The following CSMD1 variants were observed in gnomAD, a reference collection of about 807,000 sequenced individuals.
CSMD1 encodes the protein CUB and Sushi multiple domains 1.
A neutral mutation model predicts 417.5 loss-of-function variants in CSMD1; 213 were observed. The observed-to-expected ratio is 0.51, with a 90% CI of 0.46 to 0.57. The LOEUF is 0.57. Ranked by LOEUF, CSMD1 falls within the 20% of genes least tolerant of loss-of-function variation. CSMD1 has a pLI of 0.00. For missense variants in CSMD1, 6,923 were observed against 4,529.7 expected (o/e 1.53, Z -15.17); for synonymous variants, 2,862 against 1,736.8 (o/e 1.65, Z -16.11).
intron 4 of CSMD1, among the ~76,000 whole-genome samples, chr8:4,030,179 T>C (rs897755689): frequency 1.5e-5 from 2 of 133,702 alleles, no homozygotes; most frequent in African/African-American, 5.8e-5. Flanking sequence ...TGAAGGATGG[T>C]AGCCTTCTTC....
chr8:4,238,975 C>A (rs1014821674), intron 3 of CSMD1, among the ~76,000 whole-genome samples: 1 of 152,168 alleles, frequency 6.6e-6, no homozygotes, highest in African/African-American at 2.4e-5. Context: ...AGCCCAGAGT[C>A]CCATTTTCCT....
intron 3 of CSMD1, among the ~76,000 whole-genome samples, chr8:4,334,484 T>C (rs1236643290): frequency 1.3e-5 from 2 of 152,144 alleles, no homozygotes; most frequent in Non-Finnish European, 2.9e-5. Flanking sequence ...TCCTGCCTTA[T>C]CGATTTTTGA....
At chr8:3,658,078 A>C (rs1185204872) in intron 7 of CSMD1, among the ~76,000 whole-genome samples, 1 of 152,210 alleles carries the variant, frequency 6.6e-6, no homozygotes, top group South Asian at 2.1e-4. Context: ...GGCATTCAGC[A>C]CTGATTATCA....
intron 3 of CSMD1, among the ~76,000 whole-genome samples, chr8:4,388,303 T>TACACACAC (rs748455037): frequency 0.021 from 2,433 of 117,152 alleles, 37 homozygotes; most frequent in African/African-American, 0.026. Flanking sequence ...GAAACTGTGA[T>TACACACAC]ACACACACAC....
intron 2 of CSMD1, among the ~76,000 whole-genome samples, chr8:4,453,966 C>G (rs1052678832): frequency 6.6e-6 from 1 of 151,400 alleles, no homozygotes. Flanking sequence ...GGACTACAGG[C>G]GCCCGCCACC....
chr8:3,443,158 G>C (rs981097960), intron 12 of CSMD1, among the ~76,000 whole-genome samples: 3 of 152,174 alleles, frequency 2.0e-5, no homozygotes, highest in Non-Finnish European at 4.4e-5. Context: ...CACACCACGT[G>C]TCACCTTCTG....
chr8:4,579,523 C>G (rs925944948), intron 2 of CSMD1, among the ~76,000 whole-genome samples: 3 of 151,902 alleles, frequency 2.0e-5, no homozygotes, highest in African/African-American at 7.3e-5. Context: ...CCACCACGCC[C>G]AGCTAATTTT....
At chr8:3,077,505 T>C (rs1317717562) in intron 49 of CSMD1, among the ~76,000 whole-genome samples, 1 of 152,232 alleles carries the variant, frequency 6.6e-6, no homozygotes, top group Non-Finnish European at 1.5e-5. Flanking sequence ...TGTGATGGTC[T>C]CTGGGCAGAA....
chr8:3,948,212 CAATAAT>C (rs970491332), intron 5 of CSMD1, among the ~76,000 whole-genome samples: 4 of 151,772 alleles, frequency 2.6e-5, no homozygotes, highest in African/African-American at 7.2e-5. Flanking sequence ...TAAATAATAA[CAATAAT>C]AATAATAATA....
At chr8:4,802,374 T>G (rs1026167690) in intron 1 of CSMD1, among the ~76,000 whole-genome samples, 1 of 151,804 alleles carries the variant, frequency 6.6e-6, no homozygotes, top group Non-Finnish European at 1.5e-5. Flanking sequence ...TGTGTGTGTG[T>G]GTGTAGGGAT....
intron 37 of CSMD1, among the ~76,000 whole-genome samples, chr8:3,172,740 A>T (rs1053258612): frequency 1.3e-5 from 2 of 152,334 alleles, no homozygotes; most frequent in East Asian, 1.9e-4. Context: ...TCATTCCTAA[A>T]GAAAAACAAA....
chr8:4,426,656 T>G (rs1468075125), intron 2 of CSMD1, among the ~76,000 whole-genome samples: 1 of 147,144 alleles, frequency 6.8e-6, no homozygotes, highest in African/African-American at 2.5e-5. Context: ...TATTCATATT[T>G]TATAGTAATA....
intron 1 of CSMD1, among the ~76,000 whole-genome samples, chr8:4,750,001 A>AG (rs947228083): frequency 3.3e-5 from 5 of 151,760 alleles, no homozygotes; most frequent in African/African-American, 1.2e-4. Flanking sequence ...TTGAAAAAAA[A>AG]ATAATAATTA....
intron 1 of CSMD1, among the ~76,000 whole-genome samples, chr8:4,987,365 G>C (rs1000717894): frequency 3.9e-5 from 6 of 152,174 alleles, no homozygotes; most frequent in South Asian, 4.1e-4. Flanking sequence ...GGCGTGTTCA[G>C]TACAGAAAGC....
intron 8 of CSMD1, among the ~76,000 whole-genome samples, chr8:3,616,112 C>A (rs377419133): frequency 6.6e-6 from 1 of 152,118 alleles, no homozygotes; most frequent in Non-Finnish European, 1.5e-5. Context: ...TACCTTCTAT[C>A]TTTAAACATT....
chr8:4,380,149 G>A (rs896572556), intron 3 of CSMD1, among the ~76,000 whole-genome samples: 2 of 152,194 alleles, frequency 1.3e-5, no homozygotes, highest in Non-Finnish European at 2.9e-5. Flanking sequence ...CTACATATCT[G>A]CCCTCAGAAG....
Position 3,576,812 on chromosome 8 carries a change from C to T in CSMD1, c.1223-1746G>A, listed in dbSNP as rs573648832. Among the ~76,000 whole-genome samples the T allele has an allele frequency of 5.3e-5, 8 of 152,248 alleles. No homozygotes were observed. In the East Asian group the frequency reaches 1.5e-3, roughly 29 times the overall value. On this transcript the variant is annotated intron_variant, in intron 9 of 69. Coordinates refer to ENST00000635120, the MANE Select transcript of CSMD1 (RefSeq NM_033225.6). ...TTTAGATGTGAAATCTTAAAGCCCT[C>T]TAATATTAGCATTATCCAACTAGAA...
intron 1 of CSMD1, among the ~76,000 whole-genome samples, chr8:4,965,267 C>T (rs917742180): frequency 2.6e-5 from 4 of 152,162 alleles, no homozygotes; most frequent in Non-Finnish European, 4.4e-5. Flanking sequence ...AACAATTAGC[C>T]AATACTTACT....
intron 8 of CSMD1, among the ~76,000 whole-genome samples, chr8:3,592,813 A>T (rs1216547497): frequency 6.6e-6 from 1 of 152,170 alleles, no homozygotes; most frequent in African/African-American, 2.4e-5. Flanking sequence ...TTCCAAATTC[A>T]CAGTGGGATC....
Sources: allele counts gnomAD v4.1 joint callset (sites outside exome capture counted in the v4.1 genomes callset), GRCh38; gene constraint gnomAD v4.1.1; transcripts MANE v1.5; gene names NCBI Gene and HGNC (gene_info 2026-07-23, HGNC 2026-07-21).